ROBO1: variants seen among roughly 807,000 people sequenced by gnomAD.
The protein encoded by ROBO1 is roundabout guidance receptor 1, also known as roundabout homolog 1.
A neutral mutation model predicts 195.9 loss-of-function variants in ROBO1; 149 were observed. That is an observed-to-expected ratio of 0.76 (90% CI 0.67 to 0.87). ROBO1 has a LOEUF of 0.87. Ranked by LOEUF, ROBO1 falls within the 40% of genes least tolerant of loss-of-function variation. The pLI, the probability that ROBO1 is intolerant of heterozygous loss-of-function variation, is 0.00. For missense variants in ROBO1, 1,933 were observed against 2,068.3 expected, an observed-to-expected ratio of 0.93 and a Z score of 1.27; for synonymous variants, 816 against 733.2, an observed-to-expected ratio of 1.11 and a Z score of -1.82.
At chr3:78,935,958 G>C (rs1425473362) in intron 4 of ROBO1, among the ~76,000 whole-genome samples, 1 of 151,794 alleles carries the variant, frequency 6.6e-6, no homozygotes, top group East Asian at 1.9e-4. Context: ...TACTGTTTTT[G>C]AGAAAAAGGT....
At chr3:78,688,611 G>C in intron 9 of ROBO1, 37 bp downstream of exon 9, 1 of 1,529,362 alleles carries the variant, frequency 6.5e-7, no homozygotes, top group East Asian at 2.4e-5. Context: ...AACCATCTTT[G>C]CTGATTTAAA....
chr3:79,218,153 G>A (rs537657297), intron 2 of ROBO1, among the ~76,000 whole-genome samples: 20 of 151,990 alleles, frequency 1.3e-4, no homozygotes, highest in Non-Finnish European at 2.4e-4. Context: ...ATGTAAACTG[G>A]CATCTTGCAT....
intron 2 of ROBO1, among the ~76,000 whole-genome samples, chr3:79,190,228 T>G (rs1318602658): frequency 6.6e-6 from 1 of 151,016 alleles, no homozygotes; most frequent in East Asian, 1.9e-4. Context: ...ATGCCTCTCT[T>G]TGGGCTACAG....
At chr3:79,126,738 T>C (rs891075370) in intron 2 of ROBO1, among the ~76,000 whole-genome samples, 9 of 152,210 alleles carry the variant, frequency 5.9e-5, no homozygotes, top group African/African-American at 1.7e-4. Flanking sequence ...GTGTCACTTA[T>C]GGCTGAGCCA....
At chr3:78,790,244 C>T (rs997738369) in intron 4 of ROBO1, among the ~76,000 whole-genome samples, 2 of 152,284 alleles carry the variant, frequency 1.3e-5, no homozygotes, top group South Asian at 2.1e-4. Flanking sequence ...TTGCTTTTAT[C>T]ATTTATCTCC....
At chr3:79,178,402 G>T (rs11925923) in intron 2 of ROBO1, among the ~76,000 whole-genome samples, 14,223 of 152,120 alleles carry the variant, frequency 0.093, 1,182 homozygotes, top group African/African-American at 0.22. Context: ...ATCCGCATAA[G>T]GAAATAGGAA....
intron 2 of ROBO1, among the ~76,000 whole-genome samples, chr3:79,413,509 C>T (rs1056805975): frequency 2.6e-5 from 4 of 151,972 alleles, no homozygotes; most frequent in African/African-American, 9.7e-5. Context: ...TGGCAGCTGC[C>T]GGTAGACTTC....
chr3:79,394,147 A>G (rs2037053266), intron 2 of ROBO1, among the ~76,000 whole-genome samples: 1 of 152,196 alleles, frequency 6.6e-6, no homozygotes, highest in Non-Finnish European at 1.5e-5. Context: ...AGAAAAAAAA[A>G]GATTTTGAAA....
intron 1 of ROBO1, among the ~76,000 whole-genome samples, chr3:79,719,848 A>C (rs1702629763): frequency 6.6e-6 from 1 of 152,180 alleles, no homozygotes; most frequent in Admixed American, 6.5e-5. Flanking sequence ...GAGCTTTTCA[A>C]ATATTTATCT....
Position 79,531,613 on chromosome 3 carries a change from C to T in ROBO1, c.88+58211G>A, listed in dbSNP as rs377720664. The stretch of plus-strand genomic sequence containing the variant: ...TCTTAATATTTAAATATACACATGG[C>T]TTGAATTTTAAGGTAGTATACTAGA... On this transcript the variant is annotated intron_variant, in intron 2 of 30. Coordinates refer to ENST00000464233, the MANE Select transcript of ROBO1 (RefSeq NM_002941.4). Among the ~76,000 whole-genome samples, 19 of 152,210 alleles carry T rather than the reference C, an allele frequency of 1.2e-4. No homozygotes were observed. In the South Asian group the frequency reaches 3.7e-3, roughly 30 times the overall value.
chr3:79,116,365 TC>T (rs1576693165), intron 3 of ROBO1, among the ~76,000 whole-genome samples: 1 of 151,228 alleles, frequency 6.6e-6, no homozygotes, highest in Non-Finnish European at 1.5e-5. Flanking sequence ...CTTATTTTTT[TC>T]GTTCTTTTCT....
chr3:78,771,566 T>A (rs2083376652), intron 4 of ROBO1, among the ~76,000 whole-genome samples: 1 of 152,154 alleles, frequency 6.6e-6, no homozygotes, highest in South Asian at 2.1e-4. Flanking sequence ...CATCTCTAAT[T>A]TCTTTCAGTA....
chr3:78,827,281 TTGTTA>T (rs2031704927), intron 4 of ROBO1, among the ~76,000 whole-genome samples: 1 of 152,206 alleles, frequency 6.6e-6, no homozygotes, highest in African/African-American at 2.4e-5. Context: ...AGTTCTTGTC[TTGTTA>T]TATGTAAATC....
chr3:78,885,561 C>A (rs570105474), intron 4 of ROBO1, among the ~76,000 whole-genome samples: 4 of 149,316 alleles, frequency 2.7e-5, no homozygotes, highest in Non-Finnish European at 5.9e-5. Flanking sequence ...ATAACAATAA[C>A]AATAGCAAGA....
intron 2 of ROBO1, among the ~76,000 whole-genome samples, chr3:79,501,025 A>C (rs1295109334): frequency 6.6e-6 from 1 of 151,988 alleles, no homozygotes; most frequent in Non-Finnish European, 1.5e-5. Context: ...TCACTCACAC[A>C]TTTAGCAAGA....
chr3:79,179,491 A>T (rs1182678946), intron 2 of ROBO1, among the ~76,000 whole-genome samples: 2 of 152,216 alleles, frequency 1.3e-5, no homozygotes, highest in African/African-American at 4.8e-5. Context: ...TATTGCAGAC[A>T]TCAGTAATAA....
intron 2 of ROBO1, among the ~76,000 whole-genome samples, chr3:79,578,527 T>G (rs4578985): frequency 0.49 from 74,367 of 151,956 alleles, 18,334 homozygotes; most frequent in Non-Finnish European, 0.51. Context: ...TTATGTTTTA[T>G]TACAGTTTTG....
intron 2 of ROBO1, among the ~76,000 whole-genome samples, chr3:79,537,113 AT>A (rs34450722): frequency 1.4e-4 from 21 of 145,780 alleles, no homozygotes; most frequent in East Asian, 6.0e-4. Flanking sequence ...TCCTTTTTTT[AT>A]TTTTTTTTTG....
At chr3:79,603,568 C>T (rs932233180) in intron 1 of ROBO1, among the ~76,000 whole-genome samples, 1 of 151,958 alleles carries the variant, frequency 6.6e-6, no homozygotes, top group East Asian at 1.9e-4. Context: ...CAACCATCCC[C>T]ATAACCCTAG....
Sources: gnomAD v4.1 joint callset for allele counts (sites outside exome capture counted in the v4.1 genomes callset) on GRCh38, gnomAD v4.1.1 for gene constraint, MANE v1.5 for transcripts, NCBI Gene and HGNC (gene_info 2026-07-23, HGNC 2026-07-21) for gene names.